The following RADIL variants were observed in gnomAD, a reference collection of about 807,000 sequenced individuals.
The protein encoded by RADIL is ras-associating and dilute domain-containing protein.
Under a neutral mutation model 97.6 loss-of-function variants are expected in RADIL, and 99 were observed. That is an observed-to-expected ratio of 1.01 (90% confidence interval 0.86 to 1.20). The LOEUF (loss-of-function observed/expected upper bound fraction) is 1.20. RADIL is among the 50% of genes most tolerant of loss of function. The probability of loss-of-function intolerance (pLI) is 0.00; values close to 1 mark genes in which losing one functional copy is unlikely to be tolerated. For missense variants in RADIL, 1,765 were observed against 1,498.9 expected (o/e 1.18, Z -2.93); for synonymous variants, 803 against 691.8 (o/e 1.16, Z -2.52).
chr7:4,835,380 AC>A lies in RADIL; in HGVS notation c.784-142del. The A allele has an allele frequency of 1.8e-6, 2 of 1,108,868 alleles. No individual in the cohort carries two copies. Among genetic ancestry groups the A allele is most frequent in the Non-Finnish European group, 2.6e-6 (2 of 783,774 alleles). 68.7% of individuals were successfully genotyped at this position (1,108,868 alleles called of 1,614,324 possible). A position where few individuals can be genotyped will look rare whatever the true frequency, so the allele number is the denominator to read the frequency against. On this transcript the variant is annotated intron_variant, in intron 3 of 14. Transcript: ENST00000399583. The surrounding 1 kb of genome is among the most constrained non-coding windows in gnomAD (Gnocchi z 5.8). ...TCTCCATGTCCCTGGCCACCCCCAC[AC>A]CAGAACCCCGACGGCTCTCAGGAAC...
chr7:4,799,067 G>A lies in RADIL; in HGVS notation c.*311C>T, dbSNP rs1168013538. 1.4e-5 allele frequency: 5 copies of A among 362,406 alleles called. No homozygotes were observed. Among genetic ancestry groups the A allele is most frequent in the South Asian group, 7.9e-5 (3 of 37,850 alleles). The allele number at this position is 362,406 out of a possible 1,614,324, so 22.4% of individuals were successfully genotyped here. On this transcript the variant is annotated 3_prime_UTR_variant, in exon 15 of 15. Coordinates refer to ENST00000399583, the MANE Select transcript of RADIL (RefSeq NM_018059.5). The stretch of plus-strand genomic sequence containing the variant: ...CCTGCGGCCCCTCCGAGCAGCCCAC[G>A]CCTGCTGCCCGAGTTGAGACCCCAG...
rs1783667411 is a variant in RADIL, at chr7:4,849,950, C to T, written c.536-13345G>A. 8.9e-6 allele frequency among the ~76,000 whole-genome samples: 1 copy of T among 112,842 alleles called. No individual in the cohort carries two copies. Among genetic ancestry groups the T allele is most frequent in the Admixed American group, 8.0e-5 (1 of 12,484 alleles). 74.0% of individuals were successfully genotyped at this position (112,842 alleles called of 152,430 possible). Reference sequence around the variant, plus strand: ...ACACTGGTGATCTTACTACTGATAACATCTTTTCTTGGTGAAATATAGTAT... The same window carrying T: ...ACACTGGTGATCTTACTACTGATAATATCTTTTCTTGGTGAAATATAGTAT... On this transcript the variant is annotated intron_variant, in intron 2 of 14. Transcript: ENST00000399583. The surrounding 1 kb of genome is among the most constrained non-coding windows in gnomAD (Gnocchi z 5.4).
At chr7:4,804,864 G>T (rs1782241841) in intron 10 of RADIL, among the ~76,000 whole-genome samples, 1 of 151,982 alleles carries the variant, frequency 6.6e-6, no homozygotes, top group African/African-American at 2.4e-5. Context: ...GGGAGGCTGA[G>T]GTGGGCGAAT....
intron 2 of RADIL, chr7:4,865,306 CA>C (rs1784106641): frequency 2.1e-6 from 1 of 480,676 alleles, no homozygotes; most frequent in Admixed American, 3.8e-5. Flanking sequence ...ACCATATATA[CA>C]ATGATGGCCC....
intron 4 of RADIL, among the ~76,000 whole-genome samples, chr7:4,833,755 T>A (rs1339055883): frequency 6.6e-6 from 1 of 151,848 alleles, no homozygotes; most frequent in Non-Finnish European, 1.5e-5. Context: ...CGAGTTGTCC[T>A]TCGGGTCCCT....
At chr7:4,860,053 T>C (rs370627731) in intron 2 of RADIL, 3 of 1,613,950 alleles carry the variant, frequency 1.9e-6, no homozygotes, top group South Asian at 1.1e-5. Context: ...ATGCAACCCC[T>C]GAACTTTCAT....
In RADIL at chr7:4,835,660, C is replaced by T. The variant is rs1050284746; in HGVS notation, c.784-421G>A. On this transcript the variant is annotated intron_variant, in intron 3 of 14. Transcript: ENST00000399583. The surrounding 1 kb of genome is among the most constrained non-coding windows in gnomAD (Gnocchi z 5.8). ...GGGAGCACTGCCGCCTGTGTGAGAGCACTGCCCCGAGGGAAGATGCCACCT... is the reference window on the plus strand; with the variant it reads ...GGGAGCACTGCCGCCTGTGTGAGAGTACTGCCCCGAGGGAAGATGCCACCT... 2.0e-5 allele frequency among the ~76,000 whole-genome samples: 3 copies of T among 152,170 alleles called. No individual in the cohort carries two copies. Among genetic ancestry groups the T allele is most frequent in the Non-Finnish European group, 4.4e-5 (3 of 68,030 alleles).
At position 4,822,474 on chromosome 7, in the gene RADIL, T is replaced by G. The variant is rs1782860421; in HGVS notation, c.1535A>C (p.Asn512Thr). ...DLQPILFWMSNSIELLYFIQQ... is the reference protein window; with the variant it reads ...DLQPILFWMSTSIELLYFIQQ... ...GATAAAGTACAGGAGCTCGATGGAG[T>G]TAGACATCCAGAAAAGAATGGGCTG... Residue 512 changes from asparagine to threonine, a missense_variant, in exon 6 of 15, where the codon AAC becomes ACC. Asn to Thr is a moderately conservative substitution (Grantham distance 65). Coordinates refer to ENST00000399583, the MANE Select transcript of RADIL (RefSeq NM_018059.5). The surrounding 1 kb of genome is among the most constrained non-coding windows in gnomAD (Gnocchi z 5.3). 14 of 1,612,898 alleles carry G rather than the reference T, an allele frequency of 8.7e-6. No homozygotes were observed. Among genetic ancestry groups the G allele is most frequent in the Non-Finnish European group, 1.2e-5 (14 of 1,179,970 alleles).
rs968129992 is a variant in RADIL, at chr7:4,872,482, C to T, written c.535+5123G>A. On this transcript the variant is annotated intron_variant, in intron 2 of 14. Transcript: ENST00000399583. This position sits in a 1 kb window ranked among gnomAD's most constrained non-coding sequence, Gnocchi z 5.8. ...GTTCCCCAGCCCCTGACAAAAACCA[C>T]ATGGCCCTGTCATCGCCCCTCCCCA... Among the ~76,000 whole-genome samples, 3 of 152,138 alleles carry T rather than the reference C, an allele frequency of 2.0e-5. No individual in the cohort carries two copies. The highest frequency in any genetic ancestry group is 2.9e-5 in the Non-Finnish European group (2 of 68,030).
At position 4,801,974 on chromosome 7, in the gene RADIL, C is replaced by A; in HGVS notation, c.2521G>T (p.Asp841Tyr). The A allele has an allele frequency of 1.3e-6, 2 of 1,546,000 alleles. No homozygotes were observed. The highest frequency in any genetic ancestry group is 2.3e-5 in the East Asian group (1 of 43,972). Residue 841 changes from aspartate (D) to tyrosine (Y), a missense_variant, in exon 12 of 15, where the codon GAC becomes TAC. By Grantham distance (160) the Asp-to-Tyr change is radical. Coordinates refer to ENST00000399583, the MANE Select transcript of RADIL (RefSeq NM_018059.5). ...CAGCTCGGGGCCTCCAGGTGCCCGT[C>A]AAGGACCACGTGGTGCATACCCTAG... ...CPEGMHHVVLDGHLEAPSCPL... is the reference protein window; with the variant it reads ...CPEGMHHVVLYGHLEAPSCPL...
intron 14 of RADIL, 38 bp from the exon 15 acceptor site, chr7:4,799,521 C>T (rs145455809): frequency 6.2e-6 from 10 of 1,613,390 alleles, no homozygotes; most frequent in Non-Finnish European, 8.5e-6. Flanking sequence ...GGCAGGAGGG[C>T]ACCAGGGGAG....
chr7:4,824,856 T>C lies in RADIL; in HGVS notation c.1455-2302A>G, dbSNP rs1417163680. ...GACTAATTCCATCTTGTTTTCAAAA[T>C]TTGCTGCCCTTCTCAATTTCACCGG... On this transcript the variant is annotated intron_variant, in intron 5 of 14. Coordinates refer to ENST00000399583, the MANE Select transcript of RADIL (RefSeq NM_018059.5). This position sits in a 1 kb window ranked among gnomAD's most constrained non-coding sequence, Gnocchi z 6.7. Among the ~76,000 whole-genome samples, 1 of 152,332 alleles carries C rather than the reference T, an allele frequency of 6.6e-6. No individual in the cohort carries two copies. The highest frequency in any genetic ancestry group is 1.9e-4 in the East Asian group (1 of 5,186).
In RADIL at chr7:4,865,773, C is replaced by T. The variant is rs573276013; in HGVS notation, c.535+11832G>A. On this transcript the variant is annotated intron_variant, in intron 2 of 14. Transcript: ENST00000399583. ...GAACCTGCTTATTTTTTTTGCCCCCCTTCACCACAAGGTTTTTCACAGGAG... is the reference window on the plus strand; with the variant it reads ...GAACCTGCTTATTTTTTTTGCCCCCTTTCACCACAAGGTTTTTCACAGGAG... The T allele has an allele frequency of 3.1e-4, 321 of 1,027,694 alleles. 1 individual carries two copies. The African/African-American group carries it at 4.4e-3, about 14-fold the overall frequency. 63.7% of individuals were successfully genotyped at this position (1,027,694 alleles called of 1,614,324 possible). A position where few individuals can be genotyped will look rare whatever the true frequency, so the allele number is the denominator to read the frequency against.
At chr7:4,800,653 C>A (rs1222357423) in intron 12 of RADIL, among the ~76,000 whole-genome samples, 1 of 152,154 alleles carries the variant, frequency 6.6e-6, no homozygotes, top group Non-Finnish European at 1.5e-5. Context: ...CCTCCTCCCT[C>A]CACACCCAGA....
At chr7:4,808,502 T>C (rs1782418515) in intron 9 of RADIL, 2 of 883,110 alleles carry the variant, frequency 2.3e-6, no homozygotes, top group Middle Eastern at 5.7e-4. Context: ...AAGCTAGAAA[T>C]GGTTTTCACG....
At chr7:4,831,816 A>G (rs1015602257) in intron 5 of RADIL, among the ~76,000 whole-genome samples, 3 of 152,172 alleles carry the variant, frequency 2.0e-5, no homozygotes, top group African/African-American at 7.2e-5. Context: ...TGAACCTGGG[A>G]GGTGTAGGTT....
intron 13 of RADIL, 112 bp from the exon 14 acceptor site, chr7:4,799,881 G>A: frequency 7.1e-7 from 1 of 1,399,014 alleles, no homozygotes; most frequent in Non-Finnish European, 9.4e-7. Flanking sequence ...CATCCAGCCA[G>A]GCCCACTCAT....
At chr7:4,881,093 C>G (rs1784474290) in intron 1 of RADIL, among the ~76,000 whole-genome samples, 1 of 103,686 alleles carries the variant, frequency 9.6e-6, no homozygotes, top group Non-Finnish European at 1.8e-5. Flanking sequence ...GAGTGAGACC[C>G]TCTCTGTTAA....
In RADIL at chr7:4,873,826, T is replaced by G. The variant is rs929673239; in HGVS notation, c.535+3779A>C. Among the ~76,000 whole-genome samples the G allele has an allele frequency of 2.6e-5, 4 of 152,120 alleles. No individual in the cohort carries two copies. Among genetic ancestry groups the G allele is most frequent in the Non-Finnish European group, 5.9e-5 (4 of 68,026 alleles). ...GAGGTATGTAATGGAGAGGACACGG[T>G]GGGTGTTAGGAAAGCCTCCCCACCA... On this transcript the variant is annotated intron_variant, in intron 2 of 14. Transcript: ENST00000399583. The surrounding 1 kb of genome is among the most constrained non-coding windows in gnomAD (Gnocchi z 4.3).
Sources: gnomAD v4.1 joint callset for allele counts (sites outside exome capture counted in the v4.1 genomes callset) on GRCh38, gnomAD v4.1.1 for gene constraint, Gnocchi (gnomAD v3.1) non-coding constraint, MANE v1.5 for transcripts, NCBI Gene and HGNC (gene_info 2026-07-23, HGNC 2026-07-21) for gene names.